The following KCNMB2 variants were observed in gnomAD, a reference collection of about 807,000 sequenced individuals.
KCNMB2 encodes the protein calcium-activated potassium channel subunit beta-2.
A neutral mutation model predicts 24.5 loss-of-function variants in KCNMB2; 9 were observed. The observed-to-expected ratio is 0.37, with a 90% CI of 0.22 to 0.64. The LOEUF (loss-of-function observed/expected upper bound fraction) is 0.64. Among genes scored for constraint, KCNMB2 ranks in the 30% least tolerant of loss-of-function variants. The probability of loss-of-function intolerance (pLI) is 0.63; values close to 1 mark genes in which losing one functional copy is unlikely to be tolerated. For missense variants in KCNMB2, 226 were observed against 284.3 expected (o/e 0.79, Z 1.47); for synonymous variants, 109 against 104.4 (o/e 1.04, Z -0.27).
intron 1 of KCNMB2, among the ~76,000 whole-genome samples, chr3:178,634,481 G>C (rs946519181): frequency 3.9e-5 from 6 of 152,004 alleles, no homozygotes; most frequent in African/African-American, 1.5e-4. Flanking sequence ...AGCAAAATGG[G>C]AAAAATCCCT....
At chr3:178,828,746 C>T (rs74599477) in intron 4 of KCNMB2, among the ~76,000 whole-genome samples, 71 of 152,262 alleles carry the variant, frequency 4.7e-4, no homozygotes, top group Non-Finnish European at 9.3e-4. Flanking sequence ...AAGGTGTATT[C>T]TGTTTGTCCA....
intron 1 of KCNMB2, among the ~76,000 whole-genome samples, chr3:178,805,953 T>C (rs1309862946): frequency 2.6e-5 from 4 of 152,048 alleles, no homozygotes; most frequent in East Asian, 1.9e-4. Flanking sequence ...CTTTAGGTCA[T>C]TCATATGCAC....
intron 1 of KCNMB2, among the ~76,000 whole-genome samples, chr3:178,781,050 T>C (rs1031965427): frequency 2.0e-5 from 3 of 152,220 alleles, no homozygotes; most frequent in Non-Finnish European, 4.4e-5. Flanking sequence ...GTGAAAGTAA[T>C]GTAAATTATA....
intron 1 of KCNMB2, among the ~76,000 whole-genome samples, chr3:178,653,036 T>A (rs1317961693): frequency 1.3e-5 from 2 of 152,164 alleles, no homozygotes; most frequent in Admixed American, 1.3e-4. Context: ...TAAATTTATA[T>A]CCATAAATTA....
At chr3:178,759,655 C>CTCT (rs1711627355) in intron 1 of KCNMB2, among the ~76,000 whole-genome samples, 2 of 95,306 alleles carry the variant, frequency 2.1e-5, no homozygotes, top group African/African-American at 4.2e-5. Context: ...ATATATATCT[C>CTCT]CAAGAGGGAT....
At chr3:178,656,787 T>G (rs1720359341) in intron 1 of KCNMB2, among the ~76,000 whole-genome samples, 1 of 151,804 alleles carries the variant, frequency 6.6e-6, no homozygotes, top group Non-Finnish European at 1.5e-5. Context: ...AATAAATAAA[T>G]AAAGGAATGC....
intron 1 of KCNMB2, among the ~76,000 whole-genome samples, chr3:178,742,341 A>G (rs1723522000): frequency 6.6e-6 from 1 of 152,240 alleles, no homozygotes; most frequent in Admixed American, 6.5e-5. Context: ...TTTGCTCTAG[A>G]GAAACCCCTC....
chr3:178,542,640 G>C (rs1413006628), intron 1 of KCNMB2, among the ~76,000 whole-genome samples: 2 of 152,124 alleles, frequency 1.3e-5, no homozygotes, highest in East Asian at 3.9e-4. Flanking sequence ...TGGTGGTTAG[G>C]AGAATTTTTT....
At chr3:178,789,249 T>G (rs900183424) in intron 1 of KCNMB2, among the ~76,000 whole-genome samples, 4 of 152,180 alleles carry the variant, frequency 2.6e-5, no homozygotes, top group African/African-American at 9.7e-5. Flanking sequence ...TTGTTTTACA[T>G]AACACATGAC....
chr3:178,666,389 C>T (rs547640774), intron 1 of KCNMB2, among the ~76,000 whole-genome samples: 70 of 152,030 alleles, frequency 4.6e-4, no homozygotes, highest in South Asian at 6.2e-4. Context: ...AACAAAACAT[C>T]TTTGTAGAGG....
rs1577080555 is a variant in KCNMB2 at position 178,662,681 on chromosome 3, A to T, written c.-68+125970A>T. Among the ~76,000 whole-genome samples the T allele has an allele frequency of 2.6e-5, 4 of 152,298 alleles. No homozygotes were observed. The East Asian group carries it at 5.8e-4, about 22-fold the overall frequency. ...CACAGAGGAAGTGTGAGTATGAAAT[A>T]ACAAATATGAAAAAATTACACTATT... On this transcript the variant is annotated intron_variant, in intron 1 of 4. Transcript: ENST00000452583.
intron 1 of KCNMB2, among the ~76,000 whole-genome samples, chr3:178,762,165 C>T (rs142732716): frequency 1.5e-3 from 225 of 151,568 alleles, no homozygotes; most frequent in Middle Eastern, 3.4e-3. Context: ...AGCGAGACTC[C>T]GTCTCAAAAA....
intron 1 of KCNMB2, among the ~76,000 whole-genome samples, chr3:178,599,095 T>A (rs1486371897): frequency 6.6e-6 from 1 of 151,914 alleles, no homozygotes; most frequent in East Asian, 1.9e-4. Context: ...GTGTGGAGAG[T>A]GGATCGAGAA....
intron 2 of KCNMB2, among the ~76,000 whole-genome samples, chr3:178,821,968 T>C (rs1018485160): frequency 6.6e-6 from 1 of 152,176 alleles, no homozygotes; most frequent in African/African-American, 2.4e-5. Flanking sequence ...TTAAGCCTTA[T>C]CCTGTTTCTT....
chr3:178,677,565 G>A (rs534476315), intron 1 of KCNMB2, among the ~76,000 whole-genome samples: 11 of 152,254 alleles, frequency 7.2e-5, no homozygotes, highest in African/African-American at 2.4e-4. Flanking sequence ...TTCCCACCAG[G>A]AACATGTGTT....
intron 1 of KCNMB2, among the ~76,000 whole-genome samples, chr3:178,617,135 A>C (rs2108522996): frequency 6.6e-6 from 1 of 152,342 alleles, no homozygotes; most frequent in Non-Finnish European, 1.5e-5. Flanking sequence ...ACAATTGCTC[A>C]AATTCCTACC....
intron 1 of KCNMB2, among the ~76,000 whole-genome samples, chr3:178,695,757 G>A (rs1254774295): frequency 1.3e-5 from 2 of 152,010 alleles, no homozygotes; most frequent in East Asian, 1.9e-4. Flanking sequence ...CTCTAGGAAG[G>A]TCCAAACTTT....
At chr3:178,588,653 G>C (rs2108497125) in intron 1 of KCNMB2, among the ~76,000 whole-genome samples, 1 of 152,004 alleles carries the variant, frequency 6.6e-6, no homozygotes, top group South Asian at 2.1e-4. Flanking sequence ...ATGTATATAT[G>C]AGTGGATATC....
chr3:178,740,925 C>G (rs1468241503), intron 1 of KCNMB2, among the ~76,000 whole-genome samples: 2 of 152,046 alleles, frequency 1.3e-5, no homozygotes, highest in African/African-American at 4.8e-5. Flanking sequence ...GAACAGCAGA[C>G]CTGGGATACA....
Sources: gnomAD v4.1 joint callset for allele counts (sites outside exome capture counted in the v4.1 genomes callset) on GRCh38, gnomAD v4.1.1 for gene constraint, MANE v1.5 for transcripts, NCBI Gene and HGNC (gene_info 2026-07-23, HGNC 2026-07-21) for gene names.